Variants in TGFBR3 observed in about 807,000 individuals in gnomAD.
TGFBR3 encodes transforming growth factor beta receptor 3.
In TGFBR3, 46 loss-of-function variants were observed where a neutral mutation model predicts 87.9. The observed-to-expected ratio is 0.52, with a 90% confidence interval of 0.41 to 0.67. The LOEUF (loss-of-function observed/expected upper bound fraction) is 0.67. TGFBR3 is among the 30% of genes least tolerant of loss of function. The pLI, the probability that TGFBR3 is intolerant of heterozygous loss-of-function variation, is 0.00. For synonymous variants in TGFBR3, 381 were observed against 391.6 expected, an observed-to-expected ratio of 0.97 and a Z score of 0.32; for missense variants, 866 against 1,041.9, an observed-to-expected ratio of 0.83 and a Z score of 2.32.
rs950823181 is a variant in TGFBR3 at position 91,702,878 on chromosome 1, C to G, written c.2288-4748G>C. 4.6e-5 allele frequency among the ~76,000 whole-genome samples: 7 copies of G among 152,162 alleles called. 1 individual carries two copies. The highest frequency in any genetic ancestry group is 3.3e-4 in the Admixed American group (5 of 15,278). On this transcript the variant is annotated intron_variant, in intron 14 of 16. Coordinates refer to ENST00000212355, the MANE Select transcript of TGFBR3 (RefSeq NM_003243.5). ...TGGCCAACATGGTGAAACCCTGTAT[C>G]TATTAAAAATACAAAAATTAGCTGG...
At chr1:91,781,715 A>T (rs1234267762) in intron 3 of TGFBR3, among the ~76,000 whole-genome samples, 8 of 146,678 alleles carry the variant, frequency 5.5e-5, no homozygotes, top group South Asian at 4.3e-4. Flanking sequence ...AAACACATTT[A>T]AAAAAAAAAC....
chr1:91,698,195 A>G (rs999227729), intron 14 of TGFBR3, 65 bp from the exon 15 acceptor site: 6 of 1,380,964 alleles, frequency 4.3e-6, no homozygotes, highest in Non-Finnish European at 6.2e-6. Flanking sequence ...AAGGGTCATC[A>G]AAGTCTCAGC....
intron 4 of TGFBR3, among the ~76,000 whole-genome samples, chr1:91,757,907 C>T (rs1257383074): frequency 6.6e-6 from 1 of 152,144 alleles, no homozygotes; most frequent in East Asian, 1.9e-4. Context: ...GGACATTAGC[C>T]TGCAGCTCTC....
chr1:91,848,602 T>C (rs1677599072), intron 2 of TGFBR3, among the ~76,000 whole-genome samples: 1 of 152,242 alleles, frequency 6.6e-6, no homozygotes, highest in Admixed American at 6.5e-5. Flanking sequence ...TCACATTTAA[T>C]ATGTAGTTTA....
intron 2 of TGFBR3, among the ~76,000 whole-genome samples, chr1:91,895,956 A>G (rs1411647458): frequency 6.6e-6 from 1 of 152,136 alleles, no homozygotes; most frequent in Admixed American, 6.5e-5. Context: ...TCAAATGATC[A>G]CTTCTCACTA....
chr1:91,852,657 C>T (rs1328281953), intron 2 of TGFBR3, among the ~76,000 whole-genome samples: 1 of 152,148 alleles, frequency 6.6e-6, no homozygotes, highest in Non-Finnish European at 1.5e-5. Context: ...ACCTCCGCCT[C>T]CCAGGTTCAA....
chr1:91,806,039 C>T (rs1214263501), intron 2 of TGFBR3, among the ~76,000 whole-genome samples: 1 of 152,208 alleles, frequency 6.6e-6, no homozygotes, highest in Non-Finnish European at 1.5e-5. Flanking sequence ...TTCATATCTA[C>T]TAAAATAAAA....
intron 2 of TGFBR3, among the ~76,000 whole-genome samples, chr1:91,897,761 G>C (rs1414606936): frequency 1.3e-5 from 2 of 152,148 alleles, no homozygotes; most frequent in African/African-American, 4.8e-5. Flanking sequence ...CTTCACAGGA[G>C]AGAACAAATC....
At chr1:91,818,245 A>G (rs1348670412) in intron 2 of TGFBR3, among the ~76,000 whole-genome samples, 1 of 140,592 alleles carries the variant, frequency 7.1e-6, no homozygotes, top group Non-Finnish European at 1.5e-5. Flanking sequence ...AAAAATTTCA[A>G]CTGCAACTGC....
chr1:91,847,038 A>G (rs2634032), intron 2 of TGFBR3, among the ~76,000 whole-genome samples: 21,318 of 152,176 alleles, frequency 0.14, 1,881 homozygotes, highest in East Asian at 0.38. Context: ...AGAGCTGTAC[A>G]TAGGTTGTAC....
intron 2 of TGFBR3, among the ~76,000 whole-genome samples, chr1:91,826,661 C>T (rs1156999857): frequency 4.0e-5 from 6 of 151,810 alleles, no homozygotes; most frequent in African/African-American, 1.5e-4. Flanking sequence ...CTGAAGATGA[C>T]CCTATGCCAG....
intron 2 of TGFBR3, among the ~76,000 whole-genome samples, chr1:91,839,899 G>C (rs1162614760): frequency 6.6e-6 from 1 of 152,124 alleles, no homozygotes; most frequent in African/African-American, 2.4e-5. Flanking sequence ...ATTGTACTTT[G>C]GTTATGTAAG....
At position 91,749,246 on chromosome 1, in the gene TGFBR3, C is replaced by A. The variant is rs543083668; in HGVS notation, c.384+9367G>T. Among the ~76,000 whole-genome samples the A allele has an allele frequency of 3.9e-5, 6 of 152,214 alleles. No homozygotes were observed. The South Asian group carries it at 1.2e-3, about 32-fold the overall frequency. ...GCTCTCTGTGATAAAGATGGAAAGG[C>A]CAGAGATCAAATGGACTGTGAGACT... is the stretch of plus-strand genomic sequence containing the variant. On this transcript the variant is annotated intron_variant, in intron 4 of 16. Coordinates refer to ENST00000212355, the MANE Select transcript of TGFBR3 (RefSeq NM_003243.5).
intron 3 of TGFBR3, among the ~76,000 whole-genome samples, chr1:91,781,074 G>C (rs1674751804): frequency 6.6e-6 from 1 of 152,176 alleles, no homozygotes; most frequent in Non-Finnish European, 1.5e-5. Flanking sequence ...TGTGGTCCTT[G>C]TCCTATACCC....
At chr1:91,749,907 C>A (rs891484122) in intron 4 of TGFBR3, among the ~76,000 whole-genome samples, 2 of 152,126 alleles carry the variant, frequency 1.3e-5, no homozygotes, top group East Asian at 3.9e-4. Flanking sequence ...CAAAGGGCAC[C>A]AGAGATGTGA....
chr1:91,713,823 T>C (rs1672071201), intron 12 of TGFBR3, among the ~76,000 whole-genome samples: 1 of 152,096 alleles, frequency 6.6e-6, no homozygotes, highest in Non-Finnish European at 1.5e-5. Flanking sequence ...GCAAATTACA[T>C]ATGTGCTATT....
At chr1:91,691,628 G>A (rs1343729102) in intron 16 of TGFBR3, among the ~76,000 whole-genome samples, 1 of 152,230 alleles carries the variant, frequency 6.6e-6, no homozygotes, top group Non-Finnish European at 1.5e-5. Context: ...AAGAAAGGCA[G>A]GAGATACATG....
Position 91,729,417 on chromosome 1 carries a change from G to A in TGFBR3, c.737+388C>T, listed in dbSNP as rs141650086. On this transcript the variant is annotated intron_variant, in intron 6 of 16. Transcript: ENST00000212355. ...ACTAAGATGATAATTATATTAATAGGGCATATTTTGTAATTTTCCTATCAG... is the reference window on the plus strand; with the variant it reads ...ACTAAGATGATAATTATATTAATAGAGCATATTTTGTAATTTTCCTATCAG... Among the ~76,000 whole-genome samples, 92 of 152,180 alleles carry A rather than the reference G, an allele frequency of 6.0e-4. 1 individual carries two copies. In the East Asian group the frequency reaches 0.017, roughly 28 times the overall value.
chr1:91,815,698 G>C (rs1676197822), intron 2 of TGFBR3, among the ~76,000 whole-genome samples: 1 of 152,168 alleles, frequency 6.6e-6, no homozygotes. Flanking sequence ...TTGCCAAAAT[G>C]AATTAAAGTA....
Sources: gnomAD v4.1 joint callset for allele counts (sites outside exome capture counted in the v4.1 genomes callset) on GRCh38, gnomAD v4.1.1 for gene constraint, MANE v1.5 for transcripts, NCBI Gene and HGNC (gene_info 2026-07-23, HGNC 2026-07-21) for gene names.